RTTN: variants seen among roughly 807,000 people sequenced by gnomAD.
RTTN encodes the protein rotatin.
Under a neutral mutation model 269.2 loss-of-function variants are expected in RTTN, and 182 were observed. The observed-to-expected ratio is 0.68, with a 90% CI of 0.60 to 0.76. The LOEUF (loss-of-function observed/expected upper bound fraction) is 0.76, where lower values mean the gene tolerates loss of function less well. Ranked by LOEUF, RTTN falls within the 30% of genes least tolerant of loss-of-function variation. The pLI is 0.00. For synonymous variants in RTTN, 1,006 were observed against 963.5 expected (o/e 1.04, Z -0.82); for missense variants, 2,545 against 2,608.6 (o/e 0.98, Z 0.53).
chr18:70,168,070 C>T (rs1207574532), intron 12 of RTTN, among the ~76,000 whole-genome samples: 1 of 147,976 alleles, frequency 6.8e-6, no homozygotes, highest in African/African-American at 2.5e-5. Context: ...ATTGCTGGAG[C>T]CCAAGAGATC....
At chr18:70,050,875 G>C (rs2057644211) in intron 39 of RTTN, among the ~76,000 whole-genome samples, 1 of 152,160 alleles carries the variant, frequency 6.6e-6, no homozygotes, top group East Asian at 1.9e-4. Context: ...TGAACAATGA[G>C]AACACATGGA....
intron 4 of RTTN, among the ~76,000 whole-genome samples, chr18:70,200,491 A>C (rs997268649): frequency 1.3e-5 from 2 of 152,188 alleles, no homozygotes; most frequent in Non-Finnish European, 2.9e-5. Context: ...GATGTCTCTC[A>C]TCTTGATGGA....
chr18:70,052,655 TCATCACAATGTGTCA>T (rs1568303136), intron 38 of RTTN, among the ~76,000 whole-genome samples: 1 of 148,244 alleles, frequency 6.7e-6, no homozygotes. Context: ...TATATATATA[TCATCACAATGTGTCA>T]ATTTACATAC....
chr18:70,117,440 T>A (rs977991869), intron 26 of RTTN, among the ~76,000 whole-genome samples: 3 of 152,162 alleles, frequency 2.0e-5, no homozygotes, highest in Non-Finnish European at 4.4e-5. Context: ...TAAACCCAAC[T>A]GATAGTGAAC....
At chr18:70,127,324 C>A (rs1035444153) in intron 25 of RTTN, among the ~76,000 whole-genome samples, 178 bp downstream of exon 25, 3 of 152,104 alleles carry the variant, frequency 2.0e-5, no homozygotes, top group Non-Finnish European at 4.4e-5. Flanking sequence ...TTCAACAATG[C>A]AATAACTAAA....
At chr18:70,088,746 T>C (rs2058765929) in intron 30 of RTTN, among the ~76,000 whole-genome samples, 1 of 152,172 alleles carries the variant, frequency 6.6e-6, no homozygotes, top group African/African-American at 2.4e-5. Flanking sequence ...CAATGACAGC[T>C]ATAGAATTTT....
chr18:70,149,541 TA>T (rs775398738), intron 16 of RTTN, among the ~76,000 whole-genome samples: 34 of 147,798 alleles, frequency 2.3e-4, no homozygotes, highest in African/African-American at 6.1e-4. Flanking sequence ...ATTGCTTTTT[TA>T]AAAAAAAAAA....
In RTTN at chr18:70,020,786, T is replaced by C. The variant is rs1241956390; in HGVS notation, c.5982A>G (p.Gly1994=). The C allele has an allele frequency of 1.9e-6, 3 of 1,613,312 alleles. 1 individual carries two copies. Among genetic ancestry groups the C allele is most frequent in the Non-Finnish European group, 2.5e-6 (3 of 1,179,564 alleles). The change falls in exon 45 of 49, where the codon GGA becomes GGG. Residue 1994 remains glycine (G), a synonymous_variant. Coordinates refer to ENST00000640769, the MANE Select transcript of RTTN (RefSeq NM_173630.4). ...TATGTGTAGCTTGAACAGGGTGTTGTCCACAACTTGACCAACAAAGAGAAC... is the reference window on the plus strand; with the variant it reads ...TATGTGTAGCTTGAACAGGGTGTTGCCCACAACTTGACCAACAAAGAGAAC... ...GCSSLCWSSC[G]QHPVQATHRG...
chr18:70,124,211 G>C (rs113189128), intron 25 of RTTN, among the ~76,000 whole-genome samples: 120 of 152,094 alleles, frequency 7.9e-4, no homozygotes, highest in African/African-American at 2.5e-3. Context: ...AGGTAGAAAT[G>C]ATCAGGTACA....
rs562432138 is a variant in RTTN, at chr18:70,175,896, G to C, written c.1476+779C>G. Among the ~76,000 whole-genome samples the C allele has an allele frequency of 3.3e-5, 5 of 152,238 alleles. No homozygotes were observed. The East Asian group carries it at 9.6e-4, about 29-fold the overall frequency. On this transcript the variant is annotated intron_variant, in intron 11 of 48. Coordinates refer to ENST00000640769, the MANE Select transcript of RTTN (RefSeq NM_173630.4). ...GTATTCTGTGTGTCAAGGAACCTGG[G>C]AAATAGTGAATAAGTAAAGAACTCT... is the stretch of plus-strand genomic sequence containing the variant.
intron 30 of RTTN, among the ~76,000 whole-genome samples, chr18:70,089,520 G>C (rs1230398062): frequency 6.6e-6 from 1 of 152,168 alleles, no homozygotes; most frequent in African/African-American, 2.4e-5. Flanking sequence ...TTGTACCAAG[G>C]AGTGGGGATG....
At chr18:70,110,331 G>A (rs925191107) in intron 27 of RTTN, among the ~76,000 whole-genome samples, 7 of 152,124 alleles carry the variant, frequency 4.6e-5, no homozygotes, top group Middle Eastern at 3.2e-3. Context: ...GACGCAGAAG[G>A]CGGGTGATTT....
chr18:70,118,975 A>C (rs781254716), intron 26 of RTTN, among the ~76,000 whole-genome samples: 2 of 152,158 alleles, frequency 1.3e-5, no homozygotes, highest in Non-Finnish European at 2.9e-5. Context: ...AGCTAACATC[A>C]TTCTCAATGG....
intron 32 of RTTN, among the ~76,000 whole-genome samples, chr18:70,077,719 T>C (rs73964496): frequency 1.3e-3 from 193 of 151,836 alleles, no homozygotes; most frequent in African/African-American, 4.5e-3. Context: ...AAGAAAGTCA[T>C]AATAAGAGAC....
At chr18:70,107,246 G>T (rs2059344072) in intron 28 of RTTN, among the ~76,000 whole-genome samples, 1 of 152,208 alleles carries the variant, frequency 6.6e-6, no homozygotes, top group South Asian at 2.1e-4. Context: ...GAACCAATAA[G>T]AAACGGGCTC....
intron 32 of RTTN, among the ~76,000 whole-genome samples, chr18:70,083,145 C>T (rs1019470991): frequency 3.9e-5 from 6 of 152,108 alleles, no homozygotes; most frequent in Admixed American, 3.3e-4. Context: ...CCAGCAGGGG[C>T]CTGGTATCAA....
At chr18:70,189,056 C>T (rs947985344) in intron 9 of RTTN, among the ~76,000 whole-genome samples, 8 of 152,118 alleles carry the variant, frequency 5.3e-5, no homozygotes, top group African/African-American at 1.9e-4. Context: ...TTTTTATGTA[C>T]CAAGATATAG....
intron 42 of RTTN, among the ~76,000 whole-genome samples, chr18:70,029,717 G>T (rs776021973): frequency 1.1e-4 from 16 of 152,136 alleles, no homozygotes; most frequent in Non-Finnish European, 1.9e-4. Context: ...TTGAGATAAA[G>T]ATTTTCTTTT....
At chr18:70,069,174 C>T (rs2058229219) in intron 34 of RTTN, among the ~76,000 whole-genome samples, 1 of 151,812 alleles carries the variant, frequency 6.6e-6, no homozygotes, top group African/African-American at 2.4e-5. Flanking sequence ...GCACAGTCTA[C>T]TTGAAAGAGA....
Sources: gnomAD v4.1 joint callset for allele counts (sites outside exome capture counted in the v4.1 genomes callset) on GRCh38, gnomAD v4.1.1 for gene constraint, MANE v1.5 for transcripts, NCBI Gene and HGNC (gene_info 2026-07-23, HGNC 2026-07-21) for gene names.